The following CIMIP7 variants were observed in gnomAD, a reference collection of about 807,000 sequenced individuals.
CIMIP7 encodes the protein ciliary microtubule inner protein 7.
the CIMIP7 span, among the ~76,000 whole-genome samples, chr3:49,186,244 C>T: frequency 6.6e-6 from 1 of 152,022 alleles, no homozygotes; most frequent in East Asian, 1.9e-4. Context: ...GGTGATACAC[C>T]CGCCTTGGCC....
chr3:49,185,721 CGCACTGTT>C, the CIMIP7 span, among the ~76,000 whole-genome samples: 1 of 150,620 alleles, frequency 6.6e-6, no homozygotes, highest in African/African-American at 2.4e-5. Context: ...GACGGAGTCT[CGCACTGTT>C]GCCTGGGCTG....
chr3:49,188,394 G>A, the CIMIP7 span, among the ~76,000 whole-genome samples: 1 of 152,296 alleles, frequency 6.6e-6, no homozygotes, highest in Non-Finnish European at 1.5e-5. Flanking sequence ...CTTCTACCCA[G>A]TTGTTGCTCC....
the CIMIP7 span, chr3:49,190,261 C>G: frequency 1.6e-6 from 1 of 636,462 alleles, no homozygotes; most frequent in Non-Finnish European, 2.7e-6. Flanking sequence ...AAGTTCCTGA[C>G]AGAATAGAAA....
chr3:49,186,602 A>G, the CIMIP7 span, among the ~76,000 whole-genome samples: 40 of 151,824 alleles, frequency 2.6e-4, no homozygotes, highest in African/African-American at 8.2e-4. Flanking sequence ...ATGGGGTTTC[A>G]CCATGTTAGC....
At chr3:49,178,494 A>G in the CIMIP7 span, 4 of 1,613,690 alleles carry the variant, frequency 2.5e-6, no homozygotes, top group South Asian at 2.2e-5. Context: ...TGTCAAAGGA[A>G]GTACGGTTGT....
At chr3:49,191,675 C>T in the CIMIP7 span, 10 of 1,523,006 alleles carry the variant, frequency 6.6e-6, no homozygotes, top group Non-Finnish European at 9.0e-6. Flanking sequence ...ACTTCACCGG[C>T]ATGACTCAGT....
chr3:49,182,022 G>C, the CIMIP7 span, among the ~76,000 whole-genome samples: 8 of 152,146 alleles, frequency 5.3e-5, no homozygotes, highest in Admixed American at 4.6e-4. Flanking sequence ...CAGGCGGCGC[G>C]TCTGGAGTTG....
At chr3:49,188,424 C>A in the CIMIP7 span, among the ~76,000 whole-genome samples, 1 of 152,266 alleles carries the variant, frequency 6.6e-6, no homozygotes, top group East Asian at 1.9e-4. Flanking sequence ...CCTGACTGCA[C>A]CCCACACTAG....
the CIMIP7 span, among the ~76,000 whole-genome samples, chr3:49,189,285 A>G: frequency 6.8e-6 from 1 of 147,528 alleles, no homozygotes; most frequent in South Asian, 2.1e-4. Context: ...TTTTTTTTGT[A>G]TTTTTAGTAG....
chr3:49,190,046 T>G, the CIMIP7 span: 5 of 1,613,842 alleles, frequency 3.1e-6, no homozygotes, highest in Middle Eastern at 1.6e-4. Context: ...GCAGGAACAC[T>G]GCTGGAGGCT....
chr3:49,178,246 C>T, the CIMIP7 span, among the ~76,000 whole-genome samples: 1 of 152,204 alleles, frequency 6.6e-6, no homozygotes, highest in Admixed American at 6.5e-5. Flanking sequence ...TAGTGGCCCA[C>T]AGGATACTTG....
At chr3:49,190,172 T>C in the CIMIP7 span, 2 of 1,479,238 alleles carry the variant, frequency 1.4e-6, no homozygotes, top group East Asian at 4.7e-5. Flanking sequence ...TAAAACTCAC[T>C]CAAATCTCCA....
chr3:49,184,304 T>C, the CIMIP7 span, among the ~76,000 whole-genome samples: 79 of 152,132 alleles, frequency 5.2e-4, no homozygotes, highest in African/African-American at 1.8e-3. Flanking sequence ...CAGCTTTATA[T>C]AACATTTCAA....
chr3:49,190,830 G>A, the CIMIP7 span, among the ~76,000 whole-genome samples: 8 of 151,830 alleles, frequency 5.3e-5, no homozygotes, highest in East Asian at 1.9e-4. Flanking sequence ...CACCACACCC[G>A]GCTAATTTTT....
chr3:49,180,840 G>A, the CIMIP7 span, among the ~76,000 whole-genome samples: 3 of 147,160 alleles, frequency 2.0e-5, no homozygotes, highest in Admixed American at 7.1e-5. Context: ...TGAGGCAGGA[G>A]AATGGCGTGA....
the CIMIP7 span, among the ~76,000 whole-genome samples, chr3:49,182,028 A>C: frequency 1.3e-5 from 2 of 151,694 alleles, no homozygotes; most frequent in East Asian, 3.9e-4. Context: ...GCGCGTCTGG[A>C]GTTGTTCGTT....
the CIMIP7 span, among the ~76,000 whole-genome samples, chr3:49,181,778 G>A: frequency 3.9e-5 from 6 of 152,190 alleles, no homozygotes; most frequent in South Asian, 2.1e-4. Context: ...ATTTACAGAC[G>A]ACAAATAACA....
the CIMIP7 span, among the ~76,000 whole-genome samples, chr3:49,182,807 C>A: frequency 6.6e-6 from 1 of 152,196 alleles, no homozygotes; most frequent in Non-Finnish European, 1.5e-5. Flanking sequence ...CCGAGCCCTG[C>A]CCCGCGGGAA....
the CIMIP7 span, among the ~76,000 whole-genome samples, chr3:49,184,364 C>T: frequency 2.0e-5 from 3 of 152,178 alleles, no homozygotes; most frequent in Non-Finnish European, 4.4e-5. Flanking sequence ...ACGTGTAGCA[C>T]AGGCTAGAGT....
Sources: gnomAD v4.1 joint callset for allele counts (sites outside exome capture counted in the v4.1 genomes callset) on GRCh38, gnomAD v4.1.1 for gene constraint, MANE v1.5 for transcripts, NCBI Gene and HGNC (gene_info 2026-07-23, HGNC 2026-07-21) for gene names.